The following NALF1 variants were observed in gnomAD, a reference collection of about 807,000 sequenced individuals.
NALF1 encodes NALCN channel auxiliary factor 1.
NALF1 carries 3 observed loss-of-function variants against 48.4 expected under a neutral mutation model. The observed-to-expected ratio is 0.06, with a 90% CI of 0.03 to 0.16. The LOEUF is 0.16. Among genes scored for constraint, NALF1 ranks in the 10% least tolerant of loss-of-function variants. NALF1 has a pLI of 1.00. For missense variants in NALF1, 526 were observed against 571.5 expected, an observed-to-expected ratio of 0.92 and a Z score of 0.81; for synonymous variants, 262 against 245.7, an observed-to-expected ratio of 1.07 and a Z score of -0.62.
intron 1 of NALF1, among the ~76,000 whole-genome samples, chr13:107,339,632 C>T (rs1882631823): frequency 6.6e-6 from 1 of 152,120 alleles, no homozygotes; most frequent in Non-Finnish European, 1.5e-5. Context: ...GCACAGCGTC[C>T]CATATGCACA....
chr13:107,755,820 G>A (rs961849438), intron 1 of NALF1, among the ~76,000 whole-genome samples: 1 of 152,096 alleles, frequency 6.6e-6, no homozygotes, highest in Non-Finnish European at 1.5e-5. Context: ...TTGAACACCA[G>A]AACCAGGAGC....
At chr13:107,517,454 C>A (rs1289691334) in intron 1 of NALF1, among the ~76,000 whole-genome samples, 2 of 151,236 alleles carry the variant, frequency 1.3e-5, no homozygotes, top group African/African-American at 4.9e-5. Flanking sequence ...CATGGTGAAA[C>A]CCCGTCTCTG....
chr13:107,208,357 T>A (rs972522739), intron 2 of NALF1, among the ~76,000 whole-genome samples: 1 of 152,166 alleles, frequency 6.6e-6, no homozygotes, highest in Non-Finnish European at 1.5e-5. Flanking sequence ...AGAAGCTGTT[T>A]TTACCAAACT....
chr13:107,541,396 G>A (rs1263347190), intron 1 of NALF1, among the ~76,000 whole-genome samples: 2 of 152,016 alleles, frequency 1.3e-5, no homozygotes, highest in Non-Finnish European at 2.9e-5. Flanking sequence ...ATAAAAAGAA[G>A]GGCATTTAAT....
intron 1 of NALF1, among the ~76,000 whole-genome samples, chr13:107,657,095 C>T (rs1880599682): frequency 6.6e-6 from 1 of 151,676 alleles, no homozygotes; most frequent in African/African-American, 2.4e-5. Flanking sequence ...ATGGGTGCAC[C>T]AAAATCTCAG....
At chr13:107,789,363 T>C (rs1878164972) in intron 1 of NALF1, among the ~76,000 whole-genome samples, 1 of 152,236 alleles carries the variant, frequency 6.6e-6, no homozygotes, top group Non-Finnish European at 1.5e-5. Context: ...ACTTCATTAA[T>C]TCAGTTACAA....
At chr13:107,265,708 C>CT (rs1008478478) in intron 1 of NALF1, among the ~76,000 whole-genome samples, 16 of 148,276 alleles carry the variant, frequency 1.1e-4, no homozygotes, top group Middle Eastern at 3.4e-3. Flanking sequence ...GCCTGGCCTA[C>CT]TTTTTTTTTT....
At chr13:107,483,021 G>T (rs1383298028) in intron 1 of NALF1, among the ~76,000 whole-genome samples, 1 of 152,020 alleles carries the variant, frequency 6.6e-6, no homozygotes. Flanking sequence ...AGTACTTAGG[G>T]GTGTTGGAGT....
chr13:107,645,039 C>A (rs1880278120), intron 1 of NALF1, among the ~76,000 whole-genome samples: 1 of 151,980 alleles, frequency 6.6e-6, no homozygotes, highest in Admixed American at 6.6e-5. Flanking sequence ...TTTGGTATTG[C>A]CACCACTGAT....
intron 1 of NALF1, among the ~76,000 whole-genome samples, chr13:107,567,337 A>G (rs1483273773): frequency 6.6e-6 from 1 of 152,222 alleles, no homozygotes; most frequent in Non-Finnish European, 1.5e-5. Flanking sequence ...TAATGTTAAT[A>G]TTATATTTAG....
At chr13:107,599,087 A>C (rs1878841529) in intron 1 of NALF1, among the ~76,000 whole-genome samples, 1 of 152,138 alleles carries the variant, frequency 6.6e-6, no homozygotes, top group Non-Finnish European at 1.5e-5. Flanking sequence ...AAATTTTCAC[A>C]ACAAAGATGC....
chr13:107,303,396 ATAT>A (rs776267068), intron 1 of NALF1, among the ~76,000 whole-genome samples: 9 of 152,184 alleles, frequency 5.9e-5, no homozygotes, highest in Non-Finnish European at 1.0e-4. Context: ...CTCTATAGAT[ATAT>A]TATATTTCAG....
chr13:107,867,083 C>G lies in NALF1; in HGVS notation c.-487G>C, dbSNP rs977947187. On this transcript the variant is annotated 5_prime_UTR_variant, in exon 1 of 3. Transcript: ENST00000375915. The surrounding 1 kb of genome is among the most constrained non-coding windows in gnomAD (Gnocchi z 4.4). ...CCCGCTCTCCCCTGCCAGGGGCATGCCGCGCCTCCGCTGCCCACTGACGGC... is the reference window on the plus strand; with the variant it reads ...CCCGCTCTCCCCTGCCAGGGGCATGGCGCGCCTCCGCTGCCCACTGACGGC... Among the ~76,000 whole-genome samples the G allele has an allele frequency of 2.0e-5, 3 of 152,056 alleles. No individual in the cohort carries two copies. The highest frequency in any genetic ancestry group is 7.2e-5 in the African/African-American group (3 of 41,538).
chr13:107,463,710 G>A (rs1199737371), intron 1 of NALF1, among the ~76,000 whole-genome samples: 1 of 152,146 alleles, frequency 6.6e-6, no homozygotes, highest in Non-Finnish European at 1.5e-5. Flanking sequence ...TTTGTGGAGA[G>A]CAGACAACAT....
intron 1 of NALF1, among the ~76,000 whole-genome samples, chr13:107,830,318 TTATC>T (rs1879678514): frequency 6.6e-6 from 1 of 152,210 alleles, no homozygotes; most frequent in African/African-American, 2.4e-5. Flanking sequence ...ATCAAGGTAA[TTATC>T]TATGTATAAA....
intron 1 of NALF1, among the ~76,000 whole-genome samples, chr13:107,826,124 G>T (rs534721963): frequency 1.3e-5 from 2 of 152,264 alleles, no homozygotes; most frequent in South Asian, 4.1e-4. Flanking sequence ...TCCAGCTGAT[G>T]GTCTTTTAAA....
At chr13:107,798,110 C>T (rs1319355881) in intron 1 of NALF1, among the ~76,000 whole-genome samples, 2 of 152,114 alleles carry the variant, frequency 1.3e-5, no homozygotes, top group Non-Finnish European at 1.5e-5. Flanking sequence ...TCATAATTTT[C>T]CCCATGATTT....
intron 1 of NALF1, among the ~76,000 whole-genome samples, chr13:107,714,644 GAT>G (rs150522151): frequency 1.8e-5 from 1 of 54,358 alleles, no homozygotes; most frequent in Non-Finnish European, 4.4e-5. Context: ...AAAAAAGAAA[GAT>G]AAAATTGGGA....
chr13:107,282,080 C>T (rs1004558888), intron 1 of NALF1, among the ~76,000 whole-genome samples: 2 of 152,094 alleles, frequency 1.3e-5, no homozygotes, highest in African/African-American at 4.8e-5. Context: ...AGCTGGTGTG[C>T]CTGCATGAGC....
Sources: allele counts gnomAD v4.1 joint callset (sites outside exome capture counted in the v4.1 genomes callset), GRCh38; gene constraint gnomAD v4.1.1; non-coding constraint Gnocchi (gnomAD v3.1); transcripts MANE v1.5; gene names NCBI Gene and HGNC (gene_info 2026-07-23, HGNC 2026-07-21).